The following SYK variants were observed in gnomAD, a reference collection of about 807,000 sequenced individuals.
The protein encoded by SYK is tyrosine-protein kinase SYK.
SYK carries 16 observed loss-of-function variants against 77.8 expected under a neutral mutation model. That is an observed-to-expected ratio of 0.21 (90% confidence interval 0.14 to 0.31). The LOEUF (loss-of-function observed/expected upper bound fraction) is 0.31. SYK is among the 10% of genes least tolerant of loss of function. The pLI is 1.00. For missense variants in SYK, 529 were observed against 814.4 expected (o/e 0.65, Z 4.26); for synonymous variants, 312 against 308.7 (o/e 1.01, Z -0.11).
rs1194216241 is a variant in SYK at position 90,812,745 on chromosome 9, G to GTGTGTGTGTA, written c.-42+10861_-42+10862insATGTGTGTGT. On this transcript the variant is annotated intron_variant, in intron 1 of 13. Transcript: ENST00000375754. ...AGTGGCTCCTCCCCATTTGATATGT[G>GTGTGTGTGTA]TGTGTGTGTGTGTGTGTGTGTGTGT... is the stretch of plus-strand genomic sequence containing the variant. 0.028 allele frequency among the ~76,000 whole-genome samples: 2,363 copies of GTGTGTGTGTA among 84,248 alleles called. 47 individuals are homozygous for GTGTGTGTGTA. The East Asian group carries it at 0.33, about 12-fold the overall frequency. The allele number at this position is 84,248 out of a possible 152,430, so 55.3% of individuals were successfully genotyped here.
chr9:90,821,815 A>G (rs570334605), intron 1 of SYK, among the ~76,000 whole-genome samples: 218 of 152,262 alleles, frequency 1.4e-3, no homozygotes, highest in African/African-American at 5.1e-3. Context: ...GAGTACCCCC[A>G]GCTGAAGTGC....
At chr9:90,839,368 G>C (rs934810683) in intron 1 of SYK, among the ~76,000 whole-genome samples, 1 of 152,094 alleles carries the variant, frequency 6.6e-6, no homozygotes, top group Non-Finnish European at 1.5e-5. Context: ...CAGCCACATC[G>C]GTGCTGACAC....
intron 1 of SYK, among the ~76,000 whole-genome samples, chr9:90,828,098 G>A (rs551717092): frequency 3.9e-5 from 6 of 152,092 alleles, no homozygotes; most frequent in Admixed American, 2.0e-4. Flanking sequence ...TCCCCATAAA[G>A]ATTATGCTCA....
chr9:90,830,561 C>T (rs1203004067), intron 1 of SYK, among the ~76,000 whole-genome samples: 10 of 151,734 alleles, frequency 6.6e-5, no homozygotes, highest in African/African-American at 2.4e-4. Flanking sequence ...TCAATTCTCC[C>T]TCTGGTTGGA....
intron 9 of SYK, among the ~76,000 whole-genome samples, chr9:90,876,834 T>G (rs1383890466): frequency 1.3e-5 from 2 of 152,358 alleles, no homozygotes; most frequent in East Asian, 3.9e-4. Context: ...AATATATGCT[T>G]TTAAATTCTG....
At chr9:90,862,525 C>A (rs1010024501) in intron 4 of SYK, among the ~76,000 whole-genome samples, 181 bp downstream of exon 4, 2 of 152,168 alleles carry the variant, frequency 1.3e-5, no homozygotes, top group East Asian at 3.9e-4. Flanking sequence ...GGGCTCCTGC[C>A]CCACCTGCCC....
chr9:90,844,932 T>C (rs1453894135), intron 2 of SYK, among the ~76,000 whole-genome samples: 1 of 139,546 alleles, frequency 7.2e-6, no homozygotes, highest in Non-Finnish European at 1.6e-5. Context: ...TGTGTGTTTA[T>C]TTTTTTATTT....
chr9:90,837,391 A>C (rs1231600411), intron 1 of SYK, among the ~76,000 whole-genome samples: 1 of 152,098 alleles, frequency 6.6e-6, no homozygotes, highest in Admixed American at 6.5e-5. Flanking sequence ...GAAGTTAACT[A>C]TGTGCGGGGG....
chr9:90,825,405 A>G (rs1429998573), intron 1 of SYK, among the ~76,000 whole-genome samples: 1 of 152,218 alleles, frequency 6.6e-6, no homozygotes, highest in Non-Finnish European at 1.5e-5. Context: ...AAAGATCTAG[A>G]ATACCCAACA....
At chr9:90,878,725 ACTGT>A (rs750627347) in intron 10 of SYK, 35 bp from the exon 11 acceptor site, 3 of 1,548,678 alleles carry the variant, frequency 1.9e-6, no homozygotes, top group Non-Finnish European at 2.7e-6. Flanking sequence ...GAAATGGGTC[ACTGT>A]CTGTTATAGC....
chr9:90,812,567 G>C (rs1465239915), intron 1 of SYK, among the ~76,000 whole-genome samples: 2 of 152,152 alleles, frequency 1.3e-5, no homozygotes, highest in East Asian at 3.9e-4. Flanking sequence ...CAAGATTGAG[G>C]ACCACCATTT....
chr9:90,879,213 A>T (rs748345868), intron 11 of SYK, among the ~76,000 whole-genome samples: 1 of 152,222 alleles, frequency 6.6e-6, no homozygotes, highest in Non-Finnish European at 1.5e-5. Context: ...TTAAGTGAAG[A>T]TTTGTTTTGA....
At chr9:90,812,572 C>T (rs1029271567) in intron 1 of SYK, among the ~76,000 whole-genome samples, 3 of 152,198 alleles carry the variant, frequency 2.0e-5, no homozygotes, top group Non-Finnish European at 4.4e-5. Flanking sequence ...TTGAGGACCA[C>T]CATTTGACAG....
intron 5 of SYK, 36 bp from the exon 6 acceptor site, chr9:90,865,012 G>T: frequency 1.2e-6 from 2 of 1,610,022 alleles, no homozygotes; most frequent in Non-Finnish European, 1.7e-6. Context: ...GGTTTCCTCA[G>T]ATAGAGCAGT....
chr9:90,891,142 C>CTTTTTTTTTTTTT (rs750370621), intron 13 of SYK, among the ~76,000 whole-genome samples: 1 of 119,068 alleles, frequency 8.4e-6, no homozygotes, highest in Non-Finnish European at 1.7e-5. Flanking sequence ...ATGTTGCCTG[C>CTTTTTTTTTTTTT]TTTTTTTTTT....
chr9:90,887,288 G>A (rs1828614056), intron 11 of SYK, among the ~76,000 whole-genome samples: 1 of 152,046 alleles, frequency 6.6e-6, no homozygotes, highest in African/African-American at 2.4e-5. Flanking sequence ...TATATAGAGG[G>A]TGTTTTGTTT....
intron 13 of SYK, among the ~76,000 whole-genome samples, chr9:90,890,487 G>T (rs527879026): frequency 6.6e-6 from 1 of 152,176 alleles, no homozygotes; most frequent in Non-Finnish European, 1.5e-5. Context: ...GTATTTTCCC[G>T]CCTGGAGATT....
rs759213202 is a variant in SYK, at chr9:90,844,323, A to T, written c.417+8A>T. ...CAGACATGGAACCTGCAGGTGGGCC[A>T]CAGCTGGTCCTGCTCCCTGGGCCCA... On this transcript the variant is annotated splice_region_variant and intron_variant, in intron 2 of 13. Transcript: ENST00000375754. The T allele has an allele frequency of 6.3e-7, 1 of 1,590,790 alleles. No homozygotes were observed. Among genetic ancestry groups the T allele is most frequent in the Non-Finnish European group, 8.6e-7 (1 of 1,168,606 alleles).
intron 11 of SYK, among the ~76,000 whole-genome samples, chr9:90,883,349 G>A (rs1473384461): frequency 6.6e-6 from 1 of 152,050 alleles, no homozygotes; most frequent in African/African-American, 2.4e-5. Flanking sequence ...CCAAAGGTCT[G>A]TGTCCTTCCT....
Sources: gnomAD v4.1 joint callset for allele counts (sites outside exome capture counted in the v4.1 genomes callset) on GRCh38, gnomAD v4.1.1 for gene constraint, MANE v1.5 for transcripts, NCBI Gene and HGNC (gene_info 2026-07-23, HGNC 2026-07-21) for gene names.